Variants in TBX19 observed in about 807,000 individuals in gnomAD.
The protein encoded by TBX19 is T-box transcription factor 19.
Under a neutral mutation model 40.9 loss-of-function variants are expected in TBX19, and 33 were observed. The observed-to-expected ratio is 0.81, with a 90% CI of 0.61 to 1.08. The LOEUF is 1.08. Among genes scored for constraint, TBX19 ranks in the 50% least tolerant of loss-of-function variants. The pLI is 0.00. For synonymous variants in TBX19, 220 were observed against 225.0 expected (o/e 0.98, Z 0.20); for missense variants, 494 against 574.0 (o/e 0.86, Z 1.42).
intron 7 of TBX19, among the ~76,000 whole-genome samples, chr1:168,311,680 A>G (rs1649528559): frequency 6.6e-6 from 1 of 152,256 alleles, no homozygotes; most frequent in South Asian, 2.1e-4. Flanking sequence ...TTGGATAATA[A>G]GCATATTATC....
In TBX19 at chr1:168,291,244, G is replaced by A. The variant is rs376493164; in HGVS notation, c.288G>A (p.Thr96=). The change falls in exon 2 of 8, where the codon ACG becomes ACA. Residue 96 remains threonine (T), a synonymous_variant. Coordinates refer to ENST00000367821, the MANE Select transcript of TBX19 (RefSeq NM_005149.3). Reference sequence around the variant, plus strand: ...CCCTCCTGCTGGACTTTGTCCCTACGGACAGTCACCGCTGGAAGTACGTCA... The same window carrying A: ...CCCTCCTGCTGGACTTTGTCCCTACAGACAGTCACCGCTGGAAGTACGTCA... ...MYSLLLDFVP[T]DSHRWKYVNG... is the part of the protein sequence containing the mutation. The A allele has an allele frequency of 6.8e-6, 11 of 1,614,072 alleles. No homozygotes were observed. The highest frequency in any genetic ancestry group is 6.7e-5 in the African/African-American group (5 of 74,936).
chr1:168,284,509 T>C (rs1419433202), intron 1 of TBX19, among the ~76,000 whole-genome samples: 1 of 152,056 alleles, frequency 6.6e-6, no homozygotes, highest in Non-Finnish European at 1.5e-5. Flanking sequence ...ACTTCTTCTC[T>C]ACAAAAAATT....
intron 4 of TBX19, among the ~76,000 whole-genome samples, chr1:168,298,161 A>G (rs1247332615): frequency 6.6e-6 from 1 of 152,236 alleles, no homozygotes; most frequent in Non-Finnish European, 1.5e-5. Context: ...GCGCCACTGC[A>G]TTCCAGCCTG....
At chr1:168,284,960 G>T (rs897106392) in intron 1 of TBX19, among the ~76,000 whole-genome samples, 10 of 151,988 alleles carry the variant, frequency 6.6e-5, no homozygotes, top group African/African-American at 2.4e-4. Context: ...TTGGTGCAGT[G>T]CCACTGAGTT....
chr1:168,287,895 G>GT (rs1648841846), intron 1 of TBX19, among the ~76,000 whole-genome samples: 2 of 140,860 alleles, frequency 1.4e-5, no homozygotes, highest in African/African-American at 2.9e-5. Flanking sequence ...GGAAAAGAGA[G>GT]TAAAAAAAAA....
At chr1:168,305,393 T>A (rs1377435954) in intron 6 of TBX19, among the ~76,000 whole-genome samples, 197 bp downstream of exon 6, 3 of 73,764 alleles carry the variant, frequency 4.1e-5, no homozygotes, top group African/African-American at 1.7e-4. Context: ...GGTATAACAA[T>A]CTTAGTTTTT....
intron 2 of TBX19, among the ~76,000 whole-genome samples, chr1:168,292,190 G>C (rs1166970436): frequency 6.6e-6 from 1 of 152,088 alleles, no homozygotes; most frequent in Non-Finnish European, 1.5e-5. Flanking sequence ...TGATCTCTGT[G>C]CTCAGATGGC....
rs113182150 is a variant in TBX19 at position 168,310,234 on chromosome 1, G to A, written c.1052+1357G>A. Among the ~76,000 whole-genome samples the A allele has an allele frequency of 5.6e-3, 847 of 151,960 alleles. 6 individuals carry two copies. Among genetic ancestry groups the A allele is most frequent in the African/African-American group, 0.019 (785 of 41,418 alleles). On this transcript the variant is annotated intron_variant, in intron 7 of 7. Coordinates refer to ENST00000367821, the MANE Select transcript of TBX19 (RefSeq NM_005149.3). ...GGAGTATCACTTGAACTCAGGAGGCGGAGGTTGCAGTGAGCTGAGGCACTG... is the reference window on the plus strand; with the variant it reads ...GGAGTATCACTTGAACTCAGGAGGCAGAGGTTGCAGTGAGCTGAGGCACTG...
rs201143551 is a variant in TBX19 at position 168,297,619 on chromosome 1, GA to G, written c.604-103del. 1,207 of 1,025,504 alleles carry G rather than the reference GA, an allele frequency of 1.2e-3. 12 individuals are homozygous for G. The highest frequency in any genetic ancestry group is 0.012 in the African/African-American group (745 of 63,416). 63.5% of individuals were successfully genotyped at this position (1,025,504 alleles called of 1,614,324 possible). A position where few individuals can be genotyped will look rare whatever the true frequency, so the allele number is the denominator to read the frequency against. On this transcript the variant is annotated intron_variant, in intron 3 of 7. Transcript: ENST00000367821. ...AAGCCATCGTGCCTGGTGGGAAAGG[GA>G]AGGAAAAGAGAGGGAATTAAACTGG...
In TBX19 at chr1:168,313,492, A is replaced by C. The variant is rs1649573342; in HGVS notation, c.*490A>C. ...GGGTGTAAGCCATAGAGTAAGGTTAACAAAAAGAATAAAGCTAATCATGTA... is the reference window on the plus strand; with the variant it reads ...GGGTGTAAGCCATAGAGTAAGGTTACCAAAAAGAATAAAGCTAATCATGTA... On this transcript the variant is annotated 3_prime_UTR_variant, in exon 8 of 8. Transcript: ENST00000367821. 1 of 197,354 alleles carries C rather than the reference A, an allele frequency of 5.1e-6. No individual in the cohort carries two copies. The highest frequency in any genetic ancestry group is 1.0e-5 in the Non-Finnish European group (1 of 95,912). The allele number at this position is 197,354 out of a possible 1,614,324, so 12.2% of individuals were successfully genotyped here.
At chr1:168,300,770 A>T (rs1649257305) in intron 5 of TBX19, among the ~76,000 whole-genome samples, 1 of 152,186 alleles carries the variant, frequency 6.6e-6, no homozygotes. Flanking sequence ...CTGAGCCCTC[A>T]ACAGTGTGTT....
At position 168,282,773 on chromosome 1, in the gene TBX19, T is replaced by G. The variant is rs549196812; in HGVS notation, c.203+1480T>G. Among the ~76,000 whole-genome samples the G allele has an allele frequency of 2.6e-5, 4 of 152,354 alleles. No individual in the cohort carries two copies. In the East Asian group the frequency reaches 7.7e-4, roughly 29 times the overall value. ...TATAGGTAGAACATTCTGCTTATTT[T>G]TCTTTGTATTATTGGATACTAATTA... On this transcript the variant is annotated intron_variant, in intron 1 of 7. Coordinates refer to ENST00000367821, the MANE Select transcript of TBX19 (RefSeq NM_005149.3).
intron 1 of TBX19, among the ~76,000 whole-genome samples, chr1:168,281,638 G>C (rs1352771925): frequency 1.3e-5 from 2 of 152,218 alleles, no homozygotes; most frequent in Non-Finnish European, 2.9e-5. Flanking sequence ...GCAGACCTGA[G>C]CCCCAACTCC....
intron 3 of TBX19, among the ~76,000 whole-genome samples, chr1:168,297,074 T>G (rs752261267): frequency 6.6e-6 from 1 of 152,158 alleles, no homozygotes; most frequent in Non-Finnish European, 1.5e-5. Flanking sequence ...TTTGTCTCTA[T>G]CTATCTGTTT....
At chr1:168,298,182 C>G (rs537434715) in intron 4 of TBX19, among the ~76,000 whole-genome samples, 1 of 151,992 alleles carries the variant, frequency 6.6e-6, no homozygotes, top group Non-Finnish European at 1.5e-5. Context: ...GGCGACAGAG[C>G]GAGACTCCGT....
At chr1:168,303,116 T>A (rs1232309967) in intron 5 of TBX19, among the ~76,000 whole-genome samples, 2 of 152,206 alleles carry the variant, frequency 1.3e-5, no homozygotes, top group Non-Finnish European at 2.9e-5. Context: ...TATGTATACA[T>A]GTGCCATGTT....
chr1:168,286,983 A>T (rs904271667), intron 1 of TBX19, among the ~76,000 whole-genome samples: 1 of 152,170 alleles, frequency 6.6e-6, no homozygotes, highest in Non-Finnish European at 1.5e-5. Context: ...ATGGCTGATG[A>T]GGTTAAGCAT....
intron 6 of TBX19, among the ~76,000 whole-genome samples, chr1:168,307,515 A>G (rs972863084): frequency 6.6e-6 from 1 of 151,890 alleles, no homozygotes; most frequent in Non-Finnish European, 1.5e-5. Flanking sequence ...TAAAGGCCCC[A>G]CCTCTCAACA....
At chr1:168,310,108 C>T (rs1414629673) in intron 7 of TBX19, among the ~76,000 whole-genome samples, 1 of 152,008 alleles carries the variant, frequency 6.6e-6, no homozygotes, top group African/African-American at 2.4e-5. Flanking sequence ...TTGAAACCAG[C>T]CTGGCCAACA....
Sources: allele counts gnomAD v4.1 joint callset (sites outside exome capture counted in the v4.1 genomes callset), GRCh38; gene constraint gnomAD v4.1.1; transcripts MANE v1.5; gene names NCBI Gene and HGNC (gene_info 2026-07-23, HGNC 2026-07-21).